TMTC2: variants seen among roughly 807,000 people sequenced by gnomAD.
The protein encoded by TMTC2 is transmembrane O-mannosyltransferase targeting cadherins 2.
Under a neutral mutation model 82.4 loss-of-function variants are expected in TMTC2, and 43 were observed. The ratio of observed to expected loss-of-function variants is 0.52; its 90% CI spans 0.41 to 0.67. The LOEUF is 0.67. Ranked by LOEUF, TMTC2 falls within the 30% of genes least tolerant of loss-of-function variation. The pLI, the probability that TMTC2 is intolerant of heterozygous loss-of-function variation, is 0.00. For synonymous variants in TMTC2, 408 were observed against 381.9 expected (o/e 1.07, Z -0.80); for missense variants, 919 against 1,012.4 (o/e 0.91, Z 1.25).
At chr12:83,030,676 A>T (rs11115554) in intron 8 of TMTC2, 122 bp from the exon 9 acceptor site, 260,177 of 590,020 alleles carry the variant, frequency 0.44, 50,608 homozygotes, top group South Asian at 0.5. Flanking sequence ...AAAAACAAAA[A>T]TTTTTTTTTT....
intron 1 of TMTC2, among the ~76,000 whole-genome samples, chr12:82,765,381 A>C (rs1257052259): frequency 6.6e-6 from 1 of 152,212 alleles, no homozygotes; most frequent in Non-Finnish European, 1.5e-5. Context: ...CCCTAAAAAC[A>C]GGTGCCTTGC....
chr12:82,938,872 C>T (rs1380602726), intron 4 of TMTC2, among the ~76,000 whole-genome samples: 2 of 152,104 alleles, frequency 1.3e-5, no homozygotes, highest in East Asian at 3.9e-4. Flanking sequence ...CCTTTTCCTC[C>T]TCTAGTATAG....
At chr12:82,944,903 A>G (rs1218291333) in intron 4 of TMTC2, among the ~76,000 whole-genome samples, 4 of 152,230 alleles carry the variant, frequency 2.6e-5, no homozygotes, top group Admixed American at 6.5e-5. Flanking sequence ...TATGAAATAT[A>G]TGGACACAAA....
chr12:82,814,082 C>T (rs1868553568), intron 1 of TMTC2, among the ~76,000 whole-genome samples: 1 of 152,070 alleles, frequency 6.6e-6, no homozygotes, highest in South Asian at 2.1e-4. Flanking sequence ...GATGAAGAAA[C>T]CACGGCTTAT....
chr12:82,941,677 A>G (rs1876729640), intron 4 of TMTC2, among the ~76,000 whole-genome samples: 1 of 152,222 alleles, frequency 6.6e-6, no homozygotes, highest in Non-Finnish European at 1.5e-5. Context: ...TCCACAAAGC[A>G]TAAAAGCAGT....
intron 11 of TMTC2, among the ~76,000 whole-genome samples, chr12:83,064,807 C>T (rs1206103901): frequency 3.3e-5 from 5 of 151,928 alleles, no homozygotes. Flanking sequence ...ATTCATTTAA[C>T]ATTTATCCTG....
intron 4 of TMTC2, among the ~76,000 whole-genome samples, chr12:82,933,470 C>G (rs1876151737): frequency 6.6e-6 from 1 of 152,102 alleles, no homozygotes; most frequent in South Asian, 2.1e-4. Flanking sequence ...CTAATTTGCT[C>G]TGGTGTACAG....
At chr12:83,060,272 A>T (rs933141141) in intron 10 of TMTC2, among the ~76,000 whole-genome samples, 8 of 151,770 alleles carry the variant, frequency 5.3e-5, no homozygotes, top group Admixed American at 5.3e-4. Flanking sequence ...AAAATTAGAA[A>T]AATATGTCCT....
intron 11 of TMTC2, among the ~76,000 whole-genome samples, chr12:83,112,645 A>C (rs764698881): frequency 5.3e-5 from 8 of 152,226 alleles, no homozygotes; most frequent in Non-Finnish European, 1.0e-4. Context: ...TATCTTAAGA[A>C]TAATGTGTAA....
At chr12:83,069,964 G>A (rs1883053863) in intron 11 of TMTC2, among the ~76,000 whole-genome samples, 1 of 151,882 alleles carries the variant, frequency 6.6e-6, no homozygotes, top group Non-Finnish European at 1.5e-5. Flanking sequence ...CCCACTTTAT[G>A]TTTTTGTTTG....
intron 1 of TMTC2, among the ~76,000 whole-genome samples, chr12:82,781,093 C>G (rs1010404408): frequency 4.6e-5 from 7 of 151,910 alleles, no homozygotes; most frequent in African/African-American, 1.5e-4. Context: ...AAAATCTCTT[C>G]CCATTCAGAG....
At chr12:82,795,134 A>G (rs11115429) in intron 1 of TMTC2, among the ~76,000 whole-genome samples, 48,946 of 151,406 alleles carry the variant, frequency 0.32, 8,081 homozygotes, top group Middle Eastern at 0.55. Context: ...GTGAAACCCC[A>G]TATCTACTAA....
chr12:83,044,585 G>A (rs1306596633), intron 9 of TMTC2, among the ~76,000 whole-genome samples: 1 of 152,188 alleles, frequency 6.6e-6, no homozygotes, highest in Non-Finnish European at 1.5e-5. Flanking sequence ...GTCATCCAGG[G>A]TGATGTGGTG....
At chr12:82,823,677 C>T (rs1377616989) in intron 1 of TMTC2, among the ~76,000 whole-genome samples, 1 of 152,068 alleles carries the variant, frequency 6.6e-6, no homozygotes, top group African/African-American at 2.4e-5. Flanking sequence ...ATCCTTAGTT[C>T]AGATGTTGGT....
At chr12:82,802,443 C>T (rs114018016) in intron 1 of TMTC2, among the ~76,000 whole-genome samples, 2,407 of 152,280 alleles carry the variant, frequency 0.016, 61 homozygotes, top group African/African-American at 0.053. Context: ...CCAGAGTGGG[C>T]GCCAAGGCTG....
chr12:82,971,708 G>A (rs1455785461), intron 7 of TMTC2, among the ~76,000 whole-genome samples: 3 of 151,400 alleles, frequency 2.0e-5, no homozygotes, highest in Non-Finnish European at 4.4e-5. Flanking sequence ...AATATATCTC[G>A]AGAACAAAAG....
intron 2 of TMTC2, among the ~76,000 whole-genome samples, chr12:82,866,516 A>T (rs1235710577): frequency 6.6e-6 from 1 of 152,184 alleles, no homozygotes; most frequent in African/African-American, 2.4e-5. Context: ...GTGATGAATA[A>T]ATAATGAGTC....
At chr12:83,098,501 C>T (rs1054091249) in intron 11 of TMTC2, among the ~76,000 whole-genome samples, 6 of 152,228 alleles carry the variant, frequency 3.9e-5, no homozygotes, top group African/African-American at 1.4e-4. Context: ...TCCTTCAAAT[C>T]TATTCTTCAG....
intron 10 of TMTC2, among the ~76,000 whole-genome samples, chr12:83,056,971 A>G (rs1228942196): frequency 6.6e-6 from 1 of 151,936 alleles, no homozygotes; most frequent in Non-Finnish European, 1.5e-5. Context: ...AGGAAATCCC[A>G]GGAGAAGCTT....
Sources: gnomAD v4.1 joint callset for allele counts (sites outside exome capture counted in the v4.1 genomes callset) on GRCh38, gnomAD v4.1.1 for gene constraint, MANE v1.5 for transcripts, NCBI Gene and HGNC (gene_info 2026-07-23, HGNC 2026-07-21) for gene names.